The following LYZL4 variants were observed in gnomAD, a reference collection of about 807,000 sequenced individuals.
LYZL4 encodes the protein lysozyme like 4, also known as lysozyme-like protein 4.
A neutral mutation model predicts 17.6 loss-of-function variants in LYZL4; 13 were observed. The ratio of observed to expected loss-of-function variants is 0.74; its 90% CI spans 0.48 to 1.18. The LOEUF is 1.18. Ranked by LOEUF, LYZL4 falls within the 50% of genes most tolerant of loss-of-function variation. The probability of loss-of-function intolerance (pLI) is 0.00; values close to 1 mark genes in which losing one functional copy is unlikely to be tolerated. For missense variants in LYZL4, 174 were observed against 188.2 expected (o/e 0.92, Z 0.44); for synonymous variants, 64 against 67.7 (o/e 0.95, Z 0.27).
chr3:42,371,578 A>G, the LYZL4 span, among the ~76,000 whole-genome samples: 1 of 152,216 alleles, frequency 6.6e-6, no homozygotes, highest in Non-Finnish European at 1.5e-5. Flanking sequence ...GGTCTTGGAC[A>G]ACTGCCAAGA....
the LYZL4 span, among the ~76,000 whole-genome samples, chr3:42,361,491 T>TA: frequency 8.6e-5 from 13 of 152,016 alleles, no homozygotes; most frequent in East Asian, 1.9e-4. Context: ...TGTTTTCTAA[T>TA]AAAAAAATTA....
At chr3:42,408,233 C>T (rs548196032) in intron 1 of LYZL4, among the ~76,000 whole-genome samples, 2 of 152,326 alleles carry the variant, frequency 1.3e-5, no homozygotes, top group South Asian at 4.1e-4. Flanking sequence ...CTTCTTACCA[C>T]AGCAAACCCA....
chr3:42,393,794 TTTTG>T (rs1430475145), downstream of LYZL4, among the ~76,000 whole-genome samples: 4 of 151,760 alleles, frequency 2.6e-5, no homozygotes, highest in African/African-American at 4.8e-5. Flanking sequence ...CCCAGGTGAT[TTTTG>T]TTTGTTTTTT....
rs1275882456 is a variant in LYZL4 at position 42,406,923 on chromosome 3, C to G, written c.215G>C (p.Gly72Ala). 14 of 1,614,212 alleles carry G rather than the reference C, an allele frequency of 8.7e-6. No individual in the cohort carries two copies. Among genetic ancestry groups the G allele is most frequent in the Non-Finnish European group, 1.2e-5 (14 of 1,180,040 alleles). ...IYENTREGYTGFGLFQMRGSD... is the reference protein window; with the variant it reads ...IYENTREGYTAFGLFQMRGSD... ...GCCACGCATCTGAAAGAGGCCAAAG[C>G]CAGTGTAGCCCTCACGTGTGTTCTC... Residue 72 changes from glycine (G) to alanine (A), a missense_variant, in exon 3 of 5, where the codon GGC becomes GCC. By Grantham distance (60) the Gly-to-Ala change is moderately conservative. Transcript: ENST00000287748.
chr3:42,383,481 T>A, the LYZL4 span, among the ~76,000 whole-genome samples: 1 of 151,096 alleles, frequency 6.6e-6, no homozygotes, highest in South Asian at 2.1e-4. Context: ...ACTCTTTATA[T>A]TATGTGCTTA....
At chr3:42,362,225 G>C in the LYZL4 span, among the ~76,000 whole-genome samples, 3 of 152,042 alleles carry the variant, frequency 2.0e-5, no homozygotes, top group Non-Finnish European at 4.4e-5. Flanking sequence ...AAACAAAAAA[G>C]ACATCCATCC....
At chr3:42,408,122 A>AC (rs1698793726) in intron 1 of LYZL4, among the ~76,000 whole-genome samples, 1 of 151,432 alleles carries the variant, frequency 6.6e-6, no homozygotes, top group Middle Eastern at 3.4e-3. Flanking sequence ...CTCATCTCCA[A>AC]CCCCCCGGGC....
At chr3:42,381,578 G>C in the LYZL4 span, among the ~76,000 whole-genome samples, 2 of 152,114 alleles carry the variant, frequency 1.3e-5, no homozygotes, top group East Asian at 3.9e-4. Flanking sequence ...GAAGGAGCAA[G>C]AATTTACCAC....
chr3:42,366,408 G>C, the LYZL4 span, among the ~76,000 whole-genome samples: 1 of 152,162 alleles, frequency 6.6e-6, no homozygotes, highest in Non-Finnish European at 1.5e-5. Context: ...GAGGAGGGGA[G>C]GTTGTGGCGG....
chr3:42,389,232 A>G, the LYZL4 span, among the ~76,000 whole-genome samples: 6 of 152,326 alleles, frequency 3.9e-5, no homozygotes, highest in African/African-American at 1.4e-4. Flanking sequence ...GAGGTAACAG[A>G]CATTCTTCCT....
In LYZL4 at chr3:42,407,303, G is replaced by A. The variant is rs1245866689; in HGVS notation, c.-52C>T. 1.9e-6 allele frequency: 3 copies of A among 1,611,336 alleles called. No homozygotes were observed. Among genetic ancestry groups the A allele is most frequent in the East Asian group, 2.2e-5 (1 of 44,872 alleles). On this transcript the variant is annotated 5_prime_UTR_variant, in exon 2 of 5. Coordinates refer to ENST00000287748, the MANE Select transcript of LYZL4 (RefSeq NM_144634.4). ...GCAACGGTGGCCAGATGAGTGGGTG[G>A]AGTCACAGGGACACTGGTTCTCTGA...
chr3:42,396,563 A>G (rs375153068), downstream of LYZL4, among the ~76,000 whole-genome samples: 8 of 152,356 alleles, frequency 5.3e-5, no homozygotes, highest in Admixed American at 6.5e-5. Flanking sequence ...TTATCATGGC[A>G]TTTTTGAAAA....
At chr3:42,408,465 G>T (rs575723566) in intron 1 of LYZL4, among the ~76,000 whole-genome samples, 1 of 152,200 alleles carries the variant, frequency 6.6e-6, no homozygotes, top group South Asian at 2.1e-4. Flanking sequence ...GCATCTTGAG[G>T]CCTCACCCCG....
the LYZL4 span, among the ~76,000 whole-genome samples, chr3:42,362,841 C>T: frequency 1.3e-5 from 2 of 152,158 alleles, no homozygotes; most frequent in South Asian, 4.1e-4. Flanking sequence ...GGGAAATGTG[C>T]CTTTATAATG....
chr3:42,395,294 A>AT (rs983150446), downstream of LYZL4, among the ~76,000 whole-genome samples: 20 of 152,268 alleles, frequency 1.3e-4, no homozygotes, highest in African/African-American at 4.3e-4. Context: ...AATTTCTTCA[A>AT]TTTTTTTCTA....
chr3:42,378,168 G>A, the LYZL4 span, among the ~76,000 whole-genome samples: 2 of 152,194 alleles, frequency 1.3e-5, no homozygotes, highest in African/African-American at 2.4e-5. Flanking sequence ...CCAACAGGAA[G>A]TGTTGAGATT....
the LYZL4 span, among the ~76,000 whole-genome samples, chr3:42,365,874 C>T: frequency 1.3e-5 from 2 of 152,014 alleles, no homozygotes; most frequent in Non-Finnish European, 2.9e-5. Flanking sequence ...TAAACATATA[C>T]TCTATATTGA....
chr3:42,400,785 G>A (rs185419838), intron 4 of LYZL4, among the ~76,000 whole-genome samples: 2 of 152,274 alleles, frequency 1.3e-5, no homozygotes, highest in East Asian at 1.9e-4. Context: ...GGGACGGGGG[G>A]AGAAAAGGTA....
In LYZL4 at chr3:42,407,084, G is replaced by A; in HGVS notation, c.139+29C>T. Reference sequence around the variant, plus strand: ...GAGAAGGGAGGGCAAGGAGGTGAGAGGAGGGAGCACTAAGTGGGGCCTACT... The same window carrying A: ...GAGAAGGGAGGGCAAGGAGGTGAGAAGAGGGAGCACTAAGTGGGGCCTACT... On this transcript the variant is annotated intron_variant, in intron 2 of 4. Coordinates refer to ENST00000287748, the MANE Select transcript of LYZL4 (RefSeq NM_144634.4). The A allele has an allele frequency of 3.1e-6, 5 of 1,614,054 alleles. 1 individual carries two copies. The highest frequency in any genetic ancestry group is 2.5e-6 in the Non-Finnish European group (3 of 1,179,924).
Sources: allele counts gnomAD v4.1 joint callset (sites outside exome capture counted in the v4.1 genomes callset), GRCh38; gene constraint gnomAD v4.1.1; transcripts MANE v1.5; gene names NCBI Gene and HGNC (gene_info 2026-07-23, HGNC 2026-07-21).